RAP1B: variants seen among roughly 807,000 people sequenced by gnomAD.
RAP1B encodes RAP1B, member of RAS oncogene family.
Under a neutral mutation model 27.5 loss-of-function variants are expected in RAP1B, and 1 was observed. The ratio of observed to expected loss-of-function variants is 0.04; its 90% CI spans 0.01 to 0.17. The LOEUF is 0.17. Ranked by LOEUF, RAP1B falls within the 10% of genes least tolerant of loss-of-function variation. RAP1B has a pLI of 1.00. For synonymous variants in RAP1B, 75 were observed against 73.1 expected (o/e 1.03, Z -0.13); for missense variants, 84 against 214.8 (o/e 0.39, Z 3.81).
At chr12:68,638,952 C>T (rs760297918) in intron 1 of RAP1B, among the ~76,000 whole-genome samples, 3 of 152,180 alleles carry the variant, frequency 2.0e-5, no homozygotes, top group African/African-American at 7.2e-5. Context: ...TGAGTCACCA[C>T]GCCCAACCTA....
At chr12:68,619,524 A>C (rs1201220929) in intron 1 of RAP1B, among the ~76,000 whole-genome samples, 1 of 152,226 alleles carries the variant, frequency 6.6e-6, no homozygotes, top group African/African-American at 2.4e-5. Context: ...AGAACATAAA[A>C]GTTTATCAAT....
chr12:68,611,228 G>C (rs1213839249), intron 1 of RAP1B, among the ~76,000 whole-genome samples, 185 bp downstream of exon 1: 2 of 147,670 alleles, frequency 1.4e-5, no homozygotes, highest in African/African-American at 4.9e-5. Context: ...CCGGGCCCGC[G>C]AGCGCGCTGC....
At chr12:68,615,096 A>G (rs1870886617) in intron 1 of RAP1B, among the ~76,000 whole-genome samples, 1 of 152,348 alleles carries the variant, frequency 6.6e-6, no homozygotes, top group South Asian at 2.1e-4. Context: ...AAAATTCACC[A>G]GCAACAAAAA....
In RAP1B at chr12:68,667,558, G is replaced by GA. The variant is rs1053734627; in HGVS notation, c.*8311dup. On this transcript the variant is annotated 3_prime_UTR_variant, in exon 8 of 8. Transcript: ENST00000250559. ...GTCTCTGTAATCACTTCTCAAAAAT[G>GA]AATTTGGGCTTCTCCAGATAGCCTT... 3 of 152,168 alleles carry GA rather than the reference G, an allele frequency of 2.0e-5. No individual in the cohort carries two copies. Among genetic ancestry groups the GA allele is most frequent in the Admixed American group, 6.5e-5 (1 of 15,274 alleles). 9.4% of individuals were successfully genotyped at this position (152,168 alleles called of 1,614,324 possible).
chr12:68,623,022 T>G (rs1471259375), intron 1 of RAP1B, among the ~76,000 whole-genome samples: 1 of 152,248 alleles, frequency 6.6e-6, no homozygotes, highest in Non-Finnish European at 1.5e-5. Context: ...TTTTAAAGTT[T>G]TATATCTATG....
chr12:68,640,049 C>T (rs530322705), intron 1 of RAP1B, among the ~76,000 whole-genome samples: 2 of 152,122 alleles, frequency 1.3e-5, no homozygotes, highest in African/African-American at 4.8e-5. Context: ...CCATGTTGGT[C>T]AGGATGGTCT....
At chr12:68,616,137 G>C (rs1453397881) in intron 1 of RAP1B, among the ~76,000 whole-genome samples, 1 of 150,800 alleles carries the variant, frequency 6.6e-6, no homozygotes, top group Non-Finnish European at 1.5e-5. Flanking sequence ...CTAATTTTTT[G>C]TGTTTTAGTA....
chr12:68,648,826 CT>C, intron 2 of RAP1B, 45 bp downstream of exon 2: 1 of 1,526,452 alleles, frequency 6.6e-7, no homozygotes, highest in Non-Finnish European at 8.9e-7. Context: ...CCAAGACGTT[CT>C]TTTTCTGTTG....
At chr12:68,613,425 T>A (rs546479435) in intron 1 of RAP1B, among the ~76,000 whole-genome samples, 61 of 150,776 alleles carry the variant, frequency 4.0e-4, no homozygotes, top group African/African-American at 1.5e-3. Flanking sequence ...AAGAAAATGA[T>A]TGCTCTGCTC....
intron 1 of RAP1B, chr12:68,627,144 C>T: frequency 1.3e-6 from 2 of 1,576,102 alleles, no homozygotes; most frequent in South Asian, 2.2e-5. Flanking sequence ...GGCCACAGTG[C>T]CCTGGGGCTT....
At chr12:68,626,799 T>C in intron 1 of RAP1B, 1 of 1,387,312 alleles carries the variant, frequency 7.2e-7, no homozygotes, top group Non-Finnish European at 9.9e-7. Flanking sequence ...TTTGTTTGTT[T>C]GTTTGTTTTG....
rs558786800 is a variant in RAP1B at position 68,638,918 on chromosome 12, C to T, written c.-26-9781C>T. Among the ~76,000 whole-genome samples, 398 of 152,230 alleles carry T rather than the reference C, an allele frequency of 2.6e-3. 4 individuals carry two copies. Among genetic ancestry groups the T allele is most frequent in the African/African-American group, 9.0e-3 (375 of 41,546 alleles). On this transcript the variant is annotated intron_variant, in intron 1 of 7. Coordinates refer to ENST00000250559, the MANE Select transcript of RAP1B (RefSeq NM_001010942.3). ...TCAAGTGATCTGCCTGCCTCGGCCC[C>T]GCAAAGTGCTGGGATTACAGACATG...
At chr12:68,631,878 G>A (rs1872261028) in intron 1 of RAP1B, among the ~76,000 whole-genome samples, 1 of 152,076 alleles carries the variant, frequency 6.6e-6, no homozygotes, top group Non-Finnish European at 1.5e-5. Context: ...GAAATAAGAA[G>A]CAAATTCCTG....
rs1874930016 is a variant in RAP1B, at chr12:68,668,204, G to A, written c.*8955G>A. 6.6e-6 allele frequency: 1 copy of A among 152,184 alleles called. No individual in the cohort carries two copies. Among genetic ancestry groups the A allele is most frequent in the African/African-American group, 2.4e-5 (1 of 41,442 alleles). The allele number at this position is 152,184 out of a possible 1,614,324, so 9.4% of individuals were successfully genotyped here. ...GGGAGAGTAAAGAGGATAGGTCTCA[G>A]TATGTCATCCAAACAGGATGGATAC... On this transcript the variant is annotated 3_prime_UTR_variant, in exon 8 of 8. Coordinates refer to ENST00000250559, the MANE Select transcript of RAP1B (RefSeq NM_001010942.3).
intron 1 of RAP1B, among the ~76,000 whole-genome samples, chr12:68,646,336 C>T (rs926816332): frequency 1.3e-5 from 2 of 151,634 alleles, no homozygotes; most frequent in Non-Finnish European, 2.9e-5. Context: ...TGCAGTCTCA[C>T]CGGGGCTGGA....
intron 6 of RAP1B, 23 bp from the exon 7 acceptor site, chr12:68,657,077 TA>T: frequency 6.3e-7 from 1 of 1,594,116 alleles, no homozygotes; most frequent in Non-Finnish European, 8.6e-7. Flanking sequence ...TCCTGTAAAT[TA>T]AAACAAATTA....
chr12:68,641,927 G>C (rs1030209096), intron 1 of RAP1B, among the ~76,000 whole-genome samples: 1 of 152,136 alleles, frequency 6.6e-6, no homozygotes, highest in Non-Finnish European at 1.5e-5. Context: ...TGTGAATCAT[G>C]CATAAAGTTT....
intron 1 of RAP1B, among the ~76,000 whole-genome samples, chr12:68,617,420 G>A (rs956144114): frequency 6.6e-6 from 1 of 152,192 alleles, no homozygotes; most frequent in Admixed American, 6.5e-5. Flanking sequence ...GGGATAGGAT[G>A]AGATATATAA....
intron 1 of RAP1B, among the ~76,000 whole-genome samples, chr12:68,646,146 A>G (rs1409509914): frequency 3.9e-5 from 6 of 152,222 alleles, no homozygotes; most frequent in South Asian, 2.1e-4. Flanking sequence ...AGAAAGGCAT[A>G]CGTCTCTTAG....
Sources: gnomAD v4.1 joint callset for allele counts (sites outside exome capture counted in the v4.1 genomes callset) on GRCh38, gnomAD v4.1.1 for gene constraint, MANE v1.5 for transcripts, NCBI Gene and HGNC (gene_info 2026-07-23, HGNC 2026-07-21) for gene names.